The following EYS variants were observed in gnomAD, a reference collection of about 807,000 sequenced individuals.
EYS encodes EGF-like photoreceptor maintenance factor.
Under a neutral mutation model 282.1 loss-of-function variants are expected in EYS, and 250 were observed. That is an observed-to-expected ratio of 0.89 (90% CI 0.80 to 0.98). The LOEUF is 0.98. EYS is among the 50% of genes least tolerant of loss of function. EYS has a pLI of 0.00. For missense variants in EYS, 4,016 were observed against 3,709.0 expected, an observed-to-expected ratio of 1.08 and a Z score of -2.15; for synonymous variants, 1,355 against 1,282.9, an observed-to-expected ratio of 1.06 and a Z score of -1.20.
chr6:65,021,252 T>C (rs1583406233), intron 13 of EYS, among the ~76,000 whole-genome samples: 1 of 152,178 alleles, frequency 6.6e-6, no homozygotes, highest in Non-Finnish European at 1.5e-5. Context: ...TCCTTTTGGA[T>C]GCTTTGCTGC....
intron 28 of EYS, among the ~76,000 whole-genome samples, chr6:64,425,509 C>A (rs1774374159): frequency 6.6e-6 from 1 of 151,820 alleles, no homozygotes; most frequent in Non-Finnish European, 1.5e-5. Flanking sequence ...CCAAAATTAG[C>A]CGGGTGTGGT....
chr6:64,762,683 G>GCA (rs150860565), intron 22 of EYS, among the ~76,000 whole-genome samples: 3,445 of 150,064 alleles, frequency 0.023, 96 homozygotes, highest in East Asian at 0.15. Context: ...ACACACACAT[G>GCA]CACACACACA....
intron 24 of EYS, among the ~76,000 whole-genome samples, chr6:64,610,404 A>ATTTTT (rs10536697): frequency 1.0e-5 from 1 of 100,170 alleles, no homozygotes; most frequent in Non-Finnish European, 2.0e-5. Context: ...TGTTGTAAGA[A>ATTTTT]TTTTTTTTTT....
intron 2 of EYS, among the ~76,000 whole-genome samples, chr6:65,522,706 G>T (rs2127299755): frequency 6.6e-6 from 1 of 152,086 alleles, no homozygotes; most frequent in Admixed American, 6.5e-5. Context: ...TTTAATCTTT[G>T]AAAGTTATTG....
chr6:64,213,722 G>A (rs1011699109), intron 31 of EYS, among the ~76,000 whole-genome samples: 9 of 152,038 alleles, frequency 5.9e-5, no homozygotes, highest in African/African-American at 2.2e-4. Context: ...ACATTAGAGG[G>A]CATTTTAGAA....
At chr6:64,643,381 CAA>C (rs1274369170) in intron 22 of EYS, among the ~76,000 whole-genome samples, 2 of 152,060 alleles carry the variant, frequency 1.3e-5, no homozygotes, top group Non-Finnish European at 2.9e-5. Flanking sequence ...TGTCCTGGGC[CAA>C]AAACATGAAT....
At chr6:63,950,896 C>A (rs900262900) in intron 35 of EYS, among the ~76,000 whole-genome samples, 14 of 151,942 alleles carry the variant, frequency 9.2e-5, no homozygotes, top group Middle Eastern at 3.4e-3. Flanking sequence ...ATCCGTGAAC[C>A]CAAAACTCCG....
intron 33 of EYS, among the ~76,000 whole-genome samples, chr6:64,032,341 A>G (rs1027832959): frequency 6.6e-6 from 1 of 152,160 alleles, no homozygotes; most frequent in African/African-American, 2.4e-5. Context: ...AGTATCTTAC[A>G]TGGTTTTGAT....
chr6:64,585,988 T>C (rs1167772564), intron 26 of EYS, among the ~76,000 whole-genome samples: 1 of 152,130 alleles, frequency 6.6e-6, no homozygotes, highest in Non-Finnish European at 1.5e-5. Flanking sequence ...AATTGTTCTG[T>C]ATGGTTTTAA....
chr6:64,895,670 C>A (rs1053658002), intron 18 of EYS, among the ~76,000 whole-genome samples: 1 of 152,086 alleles, frequency 6.6e-6, no homozygotes, highest in African/African-American at 2.4e-5. Flanking sequence ...TGATCTGCAA[C>A]CAAGAAGGCA....
chr6:63,802,385 A>T (rs1338551021), intron 37 of EYS, among the ~76,000 whole-genome samples: 5 of 152,174 alleles, frequency 3.3e-5, no homozygotes, highest in Admixed American at 6.5e-5. Flanking sequence ...TGATAGATGC[A>T]GCAAACTACC....
intron 22 of EYS, among the ~76,000 whole-genome samples, chr6:64,684,057 C>T (rs1583036193): frequency 6.6e-6 from 1 of 152,284 alleles, no homozygotes; most frequent in East Asian, 1.9e-4. Flanking sequence ...CTCTCTCACT[C>T]TTTCTTTTAC....
chr6:64,767,212 A>G (rs1311102676), intron 22 of EYS, among the ~76,000 whole-genome samples: 1 of 152,132 alleles, frequency 6.6e-6, no homozygotes, highest in Non-Finnish European at 1.5e-5. Context: ...TGTAATATAT[A>G]GTGATCACAT....
intron 35 of EYS, among the ~76,000 whole-genome samples, chr6:63,955,198 A>G (rs982694218): frequency 4.6e-5 from 7 of 152,086 alleles, no homozygotes; most frequent in Admixed American, 6.6e-5. Context: ...CCACCTCTAT[A>G]CACTCCAATA....
In EYS at chr6:64,601,340, C is replaced by G. The variant is rs1488909920; in HGVS notation, c.3685-8031G>C. On this transcript the variant is annotated intron_variant, in intron 24 of 42. Transcript: ENST00000503581. Reference sequence around the variant, plus strand: ...CATTATTTAAATATCTCATGGGTACCTTAAACATAACATGTACAGTACTGA... The same window carrying G: ...CATTATTTAAATATCTCATGGGTACGTTAAACATAACATGTACAGTACTGA... Among the ~76,000 whole-genome samples the G allele has an allele frequency of 5.9e-5, 9 of 152,066 alleles. 1 individual carries two copies. In the South Asian group the frequency reaches 1.5e-3, roughly 25 times the overall value.
intron 33 of EYS, among the ~76,000 whole-genome samples, chr6:64,009,874 T>G (rs1368262840): frequency 6.6e-6 from 1 of 152,214 alleles, no homozygotes; most frequent in Non-Finnish European, 1.5e-5. Context: ...TTTCAGTCTT[T>G]GAAGTTGCTA....
At chr6:65,632,812 A>T (rs183401797) in intron 2 of EYS, among the ~76,000 whole-genome samples, 1 of 152,334 alleles carries the variant, frequency 6.6e-6, no homozygotes, top group Admixed American at 6.5e-5. Flanking sequence ...TATGATACCT[A>T]GTTTAACTTC....
At chr6:65,019,312 C>T (rs1342997075) in intron 13 of EYS, among the ~76,000 whole-genome samples, 1 of 152,154 alleles carries the variant, frequency 6.6e-6, no homozygotes, top group Non-Finnish European at 1.5e-5. Context: ...ACCACTCTCA[C>T]TGCCACTTCC....
At chr6:64,755,083 A>G (rs1772889858) in intron 22 of EYS, among the ~76,000 whole-genome samples, 1 of 152,160 alleles carries the variant, frequency 6.6e-6, no homozygotes, top group South Asian at 2.1e-4. Flanking sequence ...GATAAATGAT[A>G]TCAGTAAAGT....
Sources: gnomAD v4.1 joint callset for allele counts (sites outside exome capture counted in the v4.1 genomes callset) on GRCh38, gnomAD v4.1.1 for gene constraint, MANE v1.5 for transcripts, NCBI Gene and HGNC (gene_info 2026-07-23, HGNC 2026-07-21) for gene names.